Variants in FOCAD observed in about 807,000 individuals in gnomAD.
FOCAD encodes the protein KIAA1797.
FOCAD carries 198 observed loss-of-function variants against 225.6 expected under a neutral mutation model. The ratio of observed to expected loss-of-function variants is 0.88; its 90% confidence interval spans 0.78 to 0.99. The LOEUF (loss-of-function observed/expected upper bound fraction) is 0.99. Ranked by LOEUF, FOCAD falls within the 50% of genes least tolerant of loss-of-function variation. FOCAD has a pLI of 0.00. For synonymous variants in FOCAD, 897 were observed against 755.0 expected (o/e 1.19, Z -3.08); for missense variants, 2,713 against 2,123.6 (o/e 1.28, Z -5.46).
At chr9:20,878,860 G>A (rs1830443778) in intron 19 of FOCAD, among the ~76,000 whole-genome samples, 1 of 152,118 alleles carries the variant, frequency 6.6e-6, no homozygotes, top group South Asian at 2.1e-4. Flanking sequence ...CAGGACCCAG[G>A]GGGCTGCTGG....
intron 4 of FOCAD, among the ~76,000 whole-genome samples, chr9:20,730,316 T>A (rs1826580936): frequency 6.6e-6 from 1 of 152,180 alleles, no homozygotes; most frequent in Non-Finnish European, 1.5e-5. Flanking sequence ...AATACTTCTA[T>A]AAAGAGAATC....
rs1402460175 is a variant in FOCAD, at chr9:20,981,417, T to A, written c.4378-9T>A. 6.2e-7 allele frequency: 1 copy of A among 1,613,296 alleles called. No homozygotes were observed. Among genetic ancestry groups the A allele is most frequent in the South Asian group, 1.1e-5 (1 of 91,060 alleles). On this transcript the variant is annotated splice_polypyrimidine_tract_variant and intron_variant, in intron 37 of 43. Transcript: ENST00000338382. ...TATTTACATTCAACCCCTTCTGTTT[T>A]ACTTCCAGCTGAATACCAAGAGATA...
At chr9:20,944,885 A>G (rs1467221773) in intron 29 of FOCAD, 111 bp downstream of exon 29, 1 of 1,180,872 alleles carries the variant, frequency 8.5e-7, no homozygotes, top group Non-Finnish European at 1.2e-6. Context: ...ATTCTTCCTC[A>G]AAGAGAAAAT....
chr9:20,967,430 A>G (rs1342394876), intron 35 of FOCAD, among the ~76,000 whole-genome samples: 1 of 151,824 alleles, frequency 6.6e-6, no homozygotes, highest in Non-Finnish European at 1.5e-5. Flanking sequence ...ATTGTTTGGG[A>G]TTTTCTCTAT....
rs141720868 is a variant in FOCAD at position 20,720,714 on chromosome 9, A to G, written c.287+180A>G. ...ATGCTAATTTAAACCCTATAGTTTCAGAATTTGTGGTCATTTGCGGTACTT... is the reference window on the plus strand; with the variant it reads ...ATGCTAATTTAAACCCTATAGTTTCGGAATTTGTGGTCATTTGCGGTACTT... On this transcript the variant is annotated intron_variant, in intron 4 of 43. Coordinates refer to ENST00000338382, the MANE Select transcript of FOCAD (RefSeq NM_001375567.1). Among the ~76,000 whole-genome samples, 1,093 of 152,310 alleles carry G rather than the reference A, an allele frequency of 7.2e-3. 13 individuals carry two copies. Among genetic ancestry groups the G allele is most frequent in the African/African-American group, 0.023 (945 of 41,552 alleles).
At position 20,881,929 on chromosome 9, in the gene FOCAD, GA is replaced by G; in HGVS notation, c.2377del (p.Ile793TyrfsTer6). 6.2e-7 allele frequency: 1 copy of G among 1,613,816 alleles called. No individual in the cohort carries two copies. The highest frequency in any genetic ancestry group is 8.5e-7 in the Non-Finnish European group (1 of 1,179,848). On this transcript the variant is annotated frameshift_variant, in exon 20 of 44. Coordinates refer to ENST00000338382, the MANE Select transcript of FOCAD (RefSeq NM_001375567.1). LOFTEE classifies it high-confidence loss of function. ...AAGAAATGGTGAATATGCCTCGTGG[GA>G]TATATCACTCTGCATTAAAAGGAGG... The part of the protein sequence containing the change: ...KQEMVNMPRG[I>X]YHSALKGGAR...
intron 5 of FOCAD, among the ~76,000 whole-genome samples, chr9:20,746,238 T>C (rs1384922617): frequency 6.6e-6 from 1 of 152,188 alleles, no homozygotes; most frequent in Non-Finnish European, 1.5e-5. Flanking sequence ...AAGGAAGACA[T>C]GGAGCCAGCT....
chr9:20,722,445 T>C (rs1178787134), intron 4 of FOCAD, among the ~76,000 whole-genome samples: 2 of 152,228 alleles, frequency 1.3e-5, no homozygotes, highest in Non-Finnish European at 2.9e-5. Flanking sequence ...ATGTCCTCTT[T>C]CCTGTCCAGA....
chr9:20,973,983 A>C (rs1587758013), intron 35 of FOCAD, among the ~76,000 whole-genome samples: 2 of 84,540 alleles, frequency 2.4e-5, no homozygotes, highest in Non-Finnish European at 4.8e-5. Context: ...TTTCCTGCTG[A>C]CTCTTGCTTC....
At chr9:20,767,293 A>C (rs867897454) in intron 7 of FOCAD, among the ~76,000 whole-genome samples, 1 of 149,966 alleles carries the variant, frequency 6.7e-6, no homozygotes, top group East Asian at 1.9e-4. Flanking sequence ...ATACGTGTGC[A>C]TGTGTCTTTA....
chr9:20,660,451 C>T (rs1821681897), intron 2 of FOCAD, among the ~76,000 whole-genome samples: 1 of 152,124 alleles, frequency 6.6e-6, no homozygotes, highest in African/African-American at 2.4e-5. Flanking sequence ...AGGTGATTTG[C>T]CTCTTCATGT....
intron 5 of FOCAD, among the ~76,000 whole-genome samples, chr9:20,745,796 T>C (rs1247016095): frequency 6.6e-6 from 1 of 152,190 alleles, no homozygotes; most frequent in Non-Finnish European, 1.5e-5. Flanking sequence ...CTGTACTTTC[T>C]GAAATAAGGG....
At chr9:20,701,995 A>G (rs949725397) in intron 1 of FOCAD, among the ~76,000 whole-genome samples, 4 of 152,226 alleles carry the variant, frequency 2.6e-5, no homozygotes, top group Non-Finnish European at 5.9e-5. Context: ...CAGACTCAGA[A>G]TAATAACATT....
chr9:20,973,213 CTCT>C lies in FOCAD; in HGVS notation c.4133-3202_4133-3200del, dbSNP rs566596682. Among the ~76,000 whole-genome samples, 10 of 150,676 alleles carry C rather than the reference CTCT, an allele frequency of 6.6e-5. No individual in the cohort carries two copies. In the South Asian group the frequency reaches 2.1e-3, roughly 32 times the overall value. On this transcript the variant is annotated intron_variant, in intron 35 of 43. Coordinates refer to ENST00000338382, the MANE Select transcript of FOCAD (RefSeq NM_001375567.1). Reference sequence around the variant, plus strand: ...GCTGACTTTGCCTTATTCTGGTTCCCTCTTCTTTCAGCATCTGCTGATGTGGCC... The same window carrying C: ...GCTGACTTTGCCTTATTCTGGTTCCCTCTTTCAGCATCTGCTGATGTGGCC...
chr9:20,829,758 A>G (rs1825299674), intron 15 of FOCAD, among the ~76,000 whole-genome samples: 1 of 152,096 alleles, frequency 6.6e-6, no homozygotes, highest in African/African-American at 2.4e-5. Flanking sequence ...CTTCTTTGCT[A>G]CTTTGTTCAC....
At chr9:20,725,019 A>C (rs1205739485) in intron 4 of FOCAD, among the ~76,000 whole-genome samples, 1 of 152,172 alleles carries the variant, frequency 6.6e-6, no homozygotes, top group Non-Finnish European at 1.5e-5. Context: ...AAAATACAAA[A>C]AAAATTAGCT....
In FOCAD at chr9:20,995,610, C is replaced by G. The variant is rs1158140401; in HGVS notation, c.5387C>G (p.Thr1796Ser). ...LPEFKKKAVW[T>S]RAYGW ...GAGTTTAAGAAGAAAGCTGTATGGA[C>G]CAGAGCATATGGTTGGTGAACAGTT... The change falls in exon 44 of 44, where the codon ACC becomes AGC. Residue 1796 changes from threonine to serine, a missense_variant. Coordinates refer to ENST00000338382, the MANE Select transcript of FOCAD (RefSeq NM_001375567.1). 1 of 1,612,750 alleles carries G rather than the reference C, an allele frequency of 6.2e-7. No homozygotes were observed. The highest frequency in any genetic ancestry group is 1.1e-5 in the South Asian group (1 of 91,068).
At chr9:20,685,412 AAC>A (rs1822606636) in intron 1 of FOCAD, among the ~76,000 whole-genome samples, 1 of 152,152 alleles carries the variant, frequency 6.6e-6, no homozygotes, top group Non-Finnish European at 1.5e-5. Context: ...CTATTTTAAA[AAC>A]ACAGGATGCA....
chr9:20,763,028 G>C (rs544873081), intron 6 of FOCAD, among the ~76,000 whole-genome samples: 1 of 152,250 alleles, frequency 6.6e-6, no homozygotes, highest in African/African-American at 2.4e-5. Flanking sequence ...GATTGTCTCT[G>C]TCAGACTGTA....
Sources: gnomAD v4.1 joint callset for allele counts (sites outside exome capture counted in the v4.1 genomes callset) on GRCh38, gnomAD v4.1.1 for gene constraint, MANE v1.5 for transcripts, NCBI Gene and HGNC (gene_info 2026-07-23, HGNC 2026-07-21) for gene names.